Variants in SPATA20 observed in about 807,000 individuals in gnomAD.
SPATA20 encodes spermatogenesis-associated protein 20.
In SPATA20, 74 loss-of-function variants were observed where a neutral mutation model predicts 98.9. The ratio of observed to expected loss-of-function variants is 0.75; its 90% CI spans 0.62 to 0.91. SPATA20 has a LOEUF of 0.91. Ranked by LOEUF, SPATA20 falls within the 40% of genes least tolerant of loss-of-function variation. The pLI, the probability that SPATA20 is intolerant of heterozygous loss-of-function variation, is 0.00. For synonymous variants in SPATA20, 430 were observed against 440.5 expected (o/e 0.98, Z 0.30); for missense variants, 1,016 against 1,069.8 (o/e 0.95, Z 0.70).
At chr17:50,550,487 C>T in intron 9 of SPATA20, 49 bp from the exon 10 acceptor site, 1 of 1,558,156 alleles carries the variant, frequency 6.4e-7, no homozygotes, top group Non-Finnish European at 8.7e-7. Context: ...TCCACCTGGG[C>T]CTCCCCAGTG....
rs1203100876 is a variant in SPATA20, at chr17:50,549,839, GGGTTGACTCTT to G, written c.863-144_863-134del. ...CTTAGGCTATTACCTTCTGTCCTGT[GGGTTGACTCTT>G]GACCTCACAGCCTGTCCAGAGACTG... On this transcript the variant is annotated intron_variant, in intron 7 of 16. Coordinates refer to ENST00000006658, the MANE Select transcript of SPATA20 (RefSeq NM_022827.4). 13 of 878,634 alleles carry G rather than the reference GGGTTGACTCTT, an allele frequency of 1.5e-5. No homozygotes were observed. In the East Asian group the frequency reaches 3.2e-4, roughly 21 times the overall value. 54.4% of individuals were successfully genotyped at this position (878,634 alleles called of 1,614,324 possible). A position where few individuals can be genotyped will look rare whatever the true frequency, so the allele number is the denominator to read the frequency against.
At chr17:50,549,644 C>G (rs995562209) in intron 7 of SPATA20, among the ~76,000 whole-genome samples, 157 bp downstream of exon 7, 1 of 152,170 alleles carries the variant, frequency 6.6e-6, no homozygotes, top group African/African-American at 2.4e-5. Flanking sequence ...CGGTGAAGAC[C>G]CGACTGCTGG....
chr17:50,549,358 A>T lies in SPATA20; in HGVS notation c.733A>T (p.Ile245Phe), dbSNP rs1404359396. The T allele has an allele frequency of 1.9e-6, 3 of 1,612,502 alleles. No individual in the cohort carries two copies. Among genetic ancestry groups the T allele is most frequent in the Non-Finnish European group, 2.5e-6 (3 of 1,179,982 alleles). Residue 245 changes from isoleucine (I) to phenylalanine (F), a missense_variant, in exon 7 of 17, where the codon ATC becomes TTC. Ile to Phe is a conservative substitution (Grantham distance 21). Coordinates refer to ENST00000006658, the MANE Select transcript of SPATA20 (RefSeq NM_022827.4). ...CACTGCCCTGCTGGCCCGATCAGAG[A>T]TCAGCGTGGGTGACCGCCAGCTGCC... is the stretch of plus-strand genomic sequence containing the variant. Reference protein sequence around the residue: ...VTTALLARSEISVGDRQLPPS... With the variant: ...VTTALLARSEFSVGDRQLPPS...
At position 50,549,367 on chromosome 17, in the gene SPATA20, G is replaced by A; in HGVS notation, c.742G>A (p.Gly248Ser). ...GCTGGCCCGATCAGAGATCAGCGTG[G>A]GTGACCGCCAGCTGCCGCCCTCTGC... is the stretch of plus-strand genomic sequence containing the variant. ...ALLARSEISV[G>S]DRQLPPSAAT... Residue 248 changes from glycine (G) to serine (S), a missense_variant, in exon 7 of 17, where the codon GGT (glycine) becomes AGT (serine). Gly to Ser is a moderately conservative substitution (Grantham distance 56). Coordinates refer to ENST00000006658, the MANE Select transcript of SPATA20 (RefSeq NM_022827.4). 1 of 1,612,582 alleles carries A rather than the reference G, an allele frequency of 6.2e-7. No homozygotes were observed.
Position 50,549,385 on chromosome 17 carries a change from C to T in SPATA20, c.760C>T (p.Pro254Ser), listed in dbSNP as rs2034973554. The T allele has an allele frequency of 5.6e-6, 9 of 1,612,484 alleles. No homozygotes were observed. The highest frequency in any genetic ancestry group is 7.6e-6 in the Non-Finnish European group (9 of 1,179,988). The stretch of plus-strand genomic sequence containing the variant: ...CAGCGTGGGTGACCGCCAGCTGCCG[C>T]CCTCTGCCGCCACCGTGAACAATCG... Reference protein sequence around the residue: ...EISVGDRQLPPSAATVNNRCF... With the variant: ...EISVGDRQLPSSAATVNNRCF... The change falls in exon 7 of 17, where the codon CCC becomes TCC. Residue 254 changes from proline (P) to serine (S), a missense_variant. By Grantham distance (74) the Pro-to-Ser change is moderately conservative. Coordinates refer to ENST00000006658, the MANE Select transcript of SPATA20 (RefSeq NM_022827.4).
chr17:50,554,283 G>T lies in SPATA20; in HGVS notation c.1990G>T (p.Val664Leu), dbSNP rs200274697. ...QDGAEPSANS[V>L]SAHNLLRLHG... ...TGGAGCAGAGCCCAGCGCCAATTCC[G>T]TGTCAGCCCACAACCTGCTCCGGCT... Residue 664 changes from valine (V) to leucine (L), a missense_variant, in exon 15 of 17, where the codon GTG becomes TTG. By Grantham distance (32) the Val-to-Leu change is conservative. Transcript: ENST00000006658. 2.5e-6 allele frequency: 4 copies of T among 1,614,154 alleles called. No homozygotes were observed. In the Admixed American group the frequency reaches 5.0e-5, roughly 20 times the overall value.
rs8082568 is a variant in SPATA20 at position 50,551,951 on chromosome 17, G to T, written c.1746-18G>T. The T allele has an allele frequency of 1.0e-5, 16 of 1,560,736 alleles. No homozygotes were observed. In the African/African-American group the frequency reaches 1.2e-4, roughly 12 times the overall value. On this transcript the variant is annotated intron_variant, in intron 13 of 16. Coordinates refer to ENST00000006658, the MANE Select transcript of SPATA20 (RefSeq NM_022827.4). ...CCTGGGGCTCTCCCCAGCCCCTCCC[G>T]TAATGCCTGTCCCCCAGCAACCCAC...
intron 14 of SPATA20, among the ~76,000 whole-genome samples, chr17:50,552,671 C>T (rs533708579): frequency 6.6e-6 from 1 of 150,874 alleles, no homozygotes; most frequent in East Asian, 2.0e-4. Flanking sequence ...AATCAATTCT[C>T]CCACCTCAGC....
At chr17:50,551,862 G>A in intron 13 of SPATA20, 107 bp from the exon 14 acceptor site, 3 of 1,238,506 alleles carry the variant, frequency 2.4e-6, no homozygotes, top group Non-Finnish European at 3.4e-6. Context: ...TGCCCAAGAG[G>A]GTTCATCTGG....
In SPATA20 at chr17:50,552,053, T is replaced by C. The variant is rs754335135; in HGVS notation, c.1830T>C (p.Ser610=). 1.9e-6 allele frequency: 3 copies of C among 1,613,540 alleles called. No individual in the cohort carries two copies. Among genetic ancestry groups the C allele is most frequent in the Non-Finnish European group, 2.5e-6 (3 of 1,179,922 alleles). Reference sequence around the variant, plus strand: ...ACCTGTATGAGGCCTCACAGGAGAGTGCGTGGCTCGAGTGGGCTCTGCGGC... The same window carrying C: ...ACCTGTATGAGGCCTCACAGGAGAGCGCGTGGCTCGAGTGGGCTCTGCGGC... ...LLDLYEASQE[S]AWLEWALRLQ... Residue 610 remains serine, a synonymous_variant, in exon 14 of 17, where the codon AGT becomes AGC. Transcript: ENST00000006658.
intron 16 of SPATA20, 47 bp from the exon 17 acceptor site, chr17:50,555,445 T>G: frequency 6.2e-7 from 1 of 1,609,662 alleles, no homozygotes; most frequent in Non-Finnish European, 8.5e-7. Flanking sequence ...AATGGGCAGG[T>G]GACCCCACCC....
Position 50,549,339 on chromosome 17 carries a change from C to T in SPATA20, c.714C>T (p.Ala238=), listed in dbSNP as rs2034971861. 5 of 1,612,624 alleles carry T rather than the reference C, an allele frequency of 3.1e-6. No homozygotes were observed. In the East Asian group the frequency reaches 8.9e-5, roughly 29 times the overall value. ...AAAATAGCCAGCGTGTCACCACTGC[C>T]CTGCTGGCCCGATCAGAGATCAGCG... ...LLENSQRVTT[A]LLARSEISVG... is the part of the protein sequence containing the mutation. Residue 238 remains alanine, a synonymous_variant, in exon 7 of 17, where the codon GCC becomes GCT. Coordinates refer to ENST00000006658, the MANE Select transcript of SPATA20 (RefSeq NM_022827.4).
At chr17:50,549,797 G>A (rs562950726) in intron 7 of SPATA20, among the ~76,000 whole-genome samples, 188 bp from the exon 8 acceptor site, 2 of 152,324 alleles carry the variant, frequency 1.3e-5, no homozygotes, top group South Asian at 4.1e-4. Flanking sequence ...GTGAACCAAT[G>A]ATATTCTGAC....
chr17:50,551,370 C>T, intron 12 of SPATA20, 141 bp from the exon 13 acceptor site: 1 of 1,242,170 alleles, frequency 8.1e-7, no homozygotes, highest in Non-Finnish European at 1.1e-6. Flanking sequence ...GCTGGGAACC[C>T]CGCCATGTCT....
Position 50,548,328 on chromosome 17 carries a change from T to G in SPATA20, c.171T>G (p.Ser57Arg). Residue 57 changes from serine (S) to arginine (R), a missense_variant, in exon 3 of 17, where the codon AGT (serine) becomes AGG (arginine). Ser to Arg is a moderately radical substitution (Grantham distance 110). Coordinates refer to ENST00000006658, the MANE Select transcript of SPATA20 (RefSeq NM_022827.4). ...RDKDRSATVS[S>R]SVPMPAGGKG... ...AGGACCGAAGTGCGACGGTCAGTAG[T>G]TCAGTGCCCATGCCTGCTGGAGGGA... The G allele has an allele frequency of 6.8e-6, 11 of 1,613,806 alleles. No homozygotes were observed. The highest frequency in any genetic ancestry group is 9.3e-6 in the Non-Finnish European group (11 of 1,179,934).
intron 16 of SPATA20, 68 bp from the exon 17 acceptor site, chr17:50,555,424 T>C (rs931474464): frequency 3.1e-6 from 5 of 1,603,046 alleles, no homozygotes; most frequent in Admixed American, 1.7e-5. Flanking sequence ...AACTTCCCAG[T>C]GGGCCTTTCT....
Position 50,555,634 on chromosome 17 carries a change from G to T in SPATA20, c.2381G>T (p.Cys794Phe). ...QACSVPITDP[C>F]ELRKLLHP Reference sequence around the variant, plus strand: ...TGCTCAGTGCCCATCACTGATCCCTGCGAATTACGAAAACTACTACATCCA... The same window carrying T: ...TGCTCAGTGCCCATCACTGATCCCTTCGAATTACGAAAACTACTACATCCA... Residue 794 changes from cysteine to phenylalanine, a missense_variant, in exon 17 of 17, where the codon TGC becomes TTC. Cys to Phe is a radical substitution (Grantham distance 205). Transcript: ENST00000006658. The T allele has an allele frequency of 6.2e-7, 1 of 1,613,962 alleles. No individual in the cohort carries two copies. Among genetic ancestry groups the T allele is most frequent in the Non-Finnish European group, 8.5e-7 (1 of 1,179,944 alleles).
Position 50,549,121 on chromosome 17 carries a change from T to G in SPATA20, c.595T>G (p.Phe199Val). The change falls in exon 6 of 17, where the codon TTC (phenylalanine) becomes GTC (valine). Residue 199 changes from phenylalanine to valine, a missense_variant. Transcript: ENST00000006658. ...NLQPFVGGTY[F>V]PPEDGLTRVG... Reference sequence around the variant, plus strand: ...CCAGCCCTTTGTCGGGGGCACCTATTTCCCTCCTGAGGATGGCTTGACCCG... The same window carrying G: ...CCAGCCCTTTGTCGGGGGCACCTATGTCCCTCCTGAGGATGGCTTGACCCG... The G allele has an allele frequency of 6.2e-7, 1 of 1,612,832 alleles. No individual in the cohort carries two copies. Among genetic ancestry groups the G allele is most frequent in the Non-Finnish European group, 8.5e-7 (1 of 1,179,544 alleles).
At chr17:50,553,985 C>T (rs1896387085) in intron 14 of SPATA20, among the ~76,000 whole-genome samples, 1 of 152,114 alleles carries the variant, frequency 6.6e-6, no homozygotes, top group South Asian at 2.1e-4. Flanking sequence ...AGCTGAGTGG[C>T]TGGACAGAGG....
Sources: gnomAD v4.1 joint callset for allele counts (sites outside exome capture counted in the v4.1 genomes callset) on GRCh38, gnomAD v4.1.1 for gene constraint, MANE v1.5 for transcripts, NCBI Gene and HGNC (gene_info 2026-07-23, HGNC 2026-07-21) for gene names.